The following CCDC77 variants were observed in gnomAD, a reference collection of about 807,000 sequenced individuals.
CCDC77 encodes the protein coiled-coil domain containing 77, also known as coiled-coil domain-containing protein 77.
A neutral mutation model predicts 66.8 loss-of-function variants in CCDC77; 56 were observed. The observed-to-expected ratio is 0.84, with a 90% CI of 0.68 to 1.05. The LOEUF is 1.05. Ranked by LOEUF, CCDC77 falls within the 50% of genes least tolerant of loss-of-function variation. The probability of loss-of-function intolerance (pLI) is 0.00; values close to 1 mark genes in which losing one functional copy is unlikely to be tolerated. For missense variants in CCDC77, 570 were observed against 576.8 expected (o/e 0.99, Z 0.12); for synonymous variants, 196 against 195.2 (o/e 1.00, Z -0.03).
intron 11 of CCDC77, 30 bp from the exon 12 acceptor site, chr12:440,814 C>T (rs773507971): frequency 3.7e-6 from 6 of 1,612,882 alleles, no homozygotes; most frequent in Admixed American, 3.3e-5. Flanking sequence ...CCCTCACCTT[C>T]GTAAATGCCT....
chr12:409,311 A>T, intron 2 of CCDC77, 57 bp from the exon 3 acceptor site: 1 of 1,215,950 alleles, frequency 8.2e-7, no homozygotes, highest in African/African-American at 1.5e-5. Context: ...CTAATCCTGT[A>T]CTGTTTTTAT....
chr12:395,338 C>T (rs140446243), intron 1 of CCDC77: 4 of 152,304 alleles, frequency 2.6e-5, no homozygotes, highest in African/African-American at 9.6e-5. Context: ...ATCCTATTGC[C>T]TTGGCCTCCC....
Position 439,444 on chromosome 12 carries a change from C to T in CCDC77, c.1041+890C>T, listed in dbSNP as rs958128276. Among the ~76,000 whole-genome samples the T allele has an allele frequency of 4.7e-5, 7 of 149,898 alleles. No homozygotes were observed. In the East Asian group the frequency reaches 9.9e-4, roughly 21 times the overall value. On this transcript the variant is annotated intron_variant, in intron 10 of 12. Transcript: ENST00000239830. ...CTGAGGCAGGAGAATCACCTGAACC[C>T]GGGAGGCAGAGGTTGCAGTGAGCTG... is the stretch of plus-strand genomic sequence containing the variant.
At chr12:406,618 G>C (rs1944995597) in intron 2 of CCDC77, among the ~76,000 whole-genome samples, 1 of 152,184 alleles carries the variant, frequency 6.6e-6, no homozygotes, top group Admixed American at 6.5e-5. Context: ...ATATATTAAT[G>C]TGTTGAGAAT....
chr12:422,137 C>A (rs1945408452), intron 5 of CCDC77, among the ~76,000 whole-genome samples: 1 of 82,860 alleles, frequency 1.2e-5, no homozygotes, highest in Middle Eastern at 6.6e-3. Flanking sequence ...CATAGCAGCA[C>A]ACTCCATGCT....
intron 4 of CCDC77, among the ~76,000 whole-genome samples, chr12:413,736 TC>T (rs1475243648): frequency 6.6e-6 from 1 of 150,790 alleles, no homozygotes; most frequent in Non-Finnish European, 1.5e-5. Flanking sequence ...CAAGCAATTC[TC>T]CTGCCTCAGC....
In CCDC77 at chr12:411,883, C is replaced by T; in HGVS notation, c.175C>T (p.Leu59=). The T allele has an allele frequency of 1.2e-6, 2 of 1,613,952 alleles. No individual in the cohort carries two copies. The highest frequency in any genetic ancestry group is 1.1e-5 in the South Asian group (1 of 91,070). The part of the protein sequence containing the change: ...LAKLHPSKEL[L]EYYQKKMAEC... ...CAAACTCCATCCTTCTAAGGAGCTC[C>T]TGGAATATTATCAAAAGAAGATGGC... Residue 59 remains leucine (L), a synonymous_variant, in exon 4 of 13, where the codon CTG becomes TTG. Transcript: ENST00000239830.
At chr12:391,296 G>A (rs1344888550) in intron 1 of CCDC77, among the ~76,000 whole-genome samples, 12 of 152,004 alleles carry the variant, frequency 7.9e-5, no homozygotes, top group Admixed American at 7.9e-4. Flanking sequence ...TATTAAAAAT[G>A]TACAACAATT....
In CCDC77 at chr12:423,477, G is replaced by GTTTTTTTTTTTTTT. The variant is rs1565572179; in HGVS notation, c.413+4842_413+4843insTTTTTTTTTTTTTT. On this transcript the variant is annotated intron_variant, in intron 5 of 12. Transcript: ENST00000239830. Reference sequence around the variant, plus strand: ...TTTCTGGGTGTTTTTTGTGTTTTTTGTGTTTTTTTTTGTTTTGTTTTTTTT... The same window carrying GTTTTTTTTTTTTTT: ...TTTCTGGGTGTTTTTTGTGTTTTTTGTTTTTTTTTTTTTTTGTTTTTTTTTGTTTTGTTTTTTTT... Among the ~76,000 whole-genome samples, 38 of 24,986 alleles carry GTTTTTTTTTTTTTT rather than the reference G, an allele frequency of 1.5e-3. 2 individuals are homozygous for GTTTTTTTTTTTTTT. Among genetic ancestry groups the GTTTTTTTTTTTTTT allele is most frequent in the Non-Finnish European group, 2.7e-3 (26 of 9,532 alleles). 16.4% of individuals were successfully genotyped at this position (24,986 alleles called of 152,430 possible).
chr12:438,641 T>A, intron 10 of CCDC77, 87 bp downstream of exon 10: 3 of 983,154 alleles, frequency 3.1e-6, no homozygotes, highest in Admixed American at 4.8e-5. Context: ...TAATGTAAGA[T>A]CCATTCAGTC....
rs1945066146 is a variant in CCDC77 at position 409,550 on chromosome 12, C to G, written c.38+129C>G. On this transcript the variant is annotated intron_variant, in intron 3 of 12. Coordinates refer to ENST00000239830, the MANE Select transcript of CCDC77 (RefSeq NM_032358.4). ...TTTTTTTCTTTGAGACAGAGTTTCA[C>G]TCTGTGCCCAGGATGGGGTGCAGTG... The G allele has an allele frequency of 3.6e-6, 3 of 841,654 alleles. No homozygotes were observed. The Admixed American group carries it at 6.6e-5, about 19-fold the overall frequency. 52.1% of individuals were successfully genotyped at this position (841,654 alleles called of 1,614,324 possible).
At chr12:430,114 C>G (rs1225179109) in intron 6 of CCDC77, among the ~76,000 whole-genome samples, 1 of 152,148 alleles carries the variant, frequency 6.6e-6, no homozygotes, top group Non-Finnish European at 1.5e-5. Flanking sequence ...CTGCCTCAGC[C>G]TCCTGAGTAG....
chr12:413,957 G>A (rs926204783), intron 4 of CCDC77, among the ~76,000 whole-genome samples: 2 of 151,258 alleles, frequency 1.3e-5, no homozygotes, highest in Non-Finnish European at 1.5e-5. Flanking sequence ...GTTTCATCTC[G>A]GTCCTTGCCA....
At chr12:406,523 G>A (rs185892452) in intron 2 of CCDC77, among the ~76,000 whole-genome samples, 232 of 152,286 alleles carry the variant, frequency 1.5e-3, no homozygotes, top group Non-Finnish European at 2.3e-3. Context: ...GGACCTTGTC[G>A]GCAATTTTAA....
At chr12:400,145 A>G (rs1446092387), upstream of CCDC77, among the ~76,000 whole-genome samples, 1 of 152,216 alleles carries the variant, frequency 6.6e-6, no homozygotes, top group African/African-American at 2.4e-5. Context: ...AGCCTCCGCT[A>G]TCTTCCACCT....
Position 441,847 on chromosome 12 carries a change from A to C in CCDC77, c.1394A>C (p.His465Pro). The stretch of plus-strand genomic sequence containing the variant: ...GTCCGTGACAGCAATAGACGGGCAC[A>C]TAAGATACAAGGAGAACTGAAGAAT... ...CEVRDSNRRA[H>P]KIQGELKNLK... The change falls in exon 13 of 13, where the codon CAT (histidine) becomes CCT (proline). Residue 465 changes from histidine (H) to proline (P), a missense_variant. His to Pro is a moderately conservative substitution (Grantham distance 77, BLOSUM62 -2). Coordinates refer to ENST00000239830, the MANE Select transcript of CCDC77 (RefSeq NM_032358.4). 3 of 1,613,764 alleles carry C rather than the reference A, an allele frequency of 1.9e-6. No homozygotes were observed. The highest frequency in any genetic ancestry group is 2.5e-6 in the Non-Finnish European group (3 of 1,179,998).
Position 418,622 on chromosome 12 carries a change from C to G in CCDC77, c.399C>G (p.Asp133Glu). 2 of 1,613,842 alleles carry G rather than the reference C, an allele frequency of 1.2e-6. No homozygotes were observed. Among genetic ancestry groups the G allele is most frequent in the Non-Finnish European group, 1.7e-6 (2 of 1,179,918 alleles). ...EHVLRLYSENDRLRIRELEDK... is the reference protein window; with the variant it reads ...EHVLRLYSENERLRIRELEDK... ...TTTTACGCCTCTACTCAGAAAATGA[C>G]CGACTGAGAATCAGGTACCAAATAG... The change falls in exon 5 of 13, where the codon GAC (aspartate) becomes GAG (glutamate). Residue 133 changes from aspartate (D) to glutamate (E), a missense_variant. By Grantham distance (45) the Asp-to-Glu change is conservative. Coordinates refer to ENST00000239830, the MANE Select transcript of CCDC77 (RefSeq NM_032358.4).
intron 6 of CCDC77, among the ~76,000 whole-genome samples, chr12:429,701 C>T (rs1056846547): frequency 6.6e-6 from 1 of 151,986 alleles, no homozygotes; most frequent in African/African-American, 2.4e-5. Flanking sequence ...TCAAGCAGTC[C>T]GCCCACCTTG....
intron 4 of CCDC77, among the ~76,000 whole-genome samples, chr12:412,926 T>C (rs1945142075): frequency 6.6e-6 from 1 of 152,150 alleles, no homozygotes; most frequent in Non-Finnish European, 1.5e-5. Flanking sequence ...CTTCCTTTGT[T>C]TTTTCTCTGG....
Sources: gnomAD v4.1 joint callset for allele counts (sites outside exome capture counted in the v4.1 genomes callset) on GRCh38, gnomAD v4.1.1 for gene constraint, MANE v1.5 for transcripts, NCBI Gene and HGNC (gene_info 2026-07-23, HGNC 2026-07-21) for gene names.